The following NTM variants were observed in gnomAD, a reference collection of about 807,000 sequenced individuals.
The protein encoded by NTM is neurotrimin.
In NTM, 13 loss-of-function variants were observed where a neutral mutation model predicts 42.1. The observed-to-expected ratio is 0.31, with a 90% CI of 0.20 to 0.49. The LOEUF (loss-of-function observed/expected upper bound fraction) is 0.49. NTM is among the 20% of genes least tolerant of loss of function. NTM has a pLI of 0.99. For missense variants in NTM, 373 were observed against 452.8 expected (o/e 0.82, Z 1.60); for synonymous variants, 187 against 179.2 (o/e 1.04, Z -0.35).
chr11:132,130,144 C>G (rs2066558478), intron 2 of NTM, among the ~76,000 whole-genome samples: 1 of 152,186 alleles, frequency 6.6e-6, no homozygotes, highest in Non-Finnish European at 1.5e-5. Context: ...GGAACCTAGT[C>G]TGATATTCCC....
At chr11:132,258,218 T>C (rs1214577662) in intron 4 of NTM, among the ~76,000 whole-genome samples, 40 of 152,196 alleles carry the variant, frequency 2.6e-4, no homozygotes, top group African/African-American at 2.4e-5. Flanking sequence ...AGAAAGGACA[T>C]AGGACTGAGG....
At chr11:132,321,291 A>C (rs955803096) in intron 7 of NTM, among the ~76,000 whole-genome samples, 1 of 152,176 alleles carries the variant, frequency 6.6e-6, no homozygotes, top group African/African-American at 2.4e-5. Flanking sequence ...AAAATTTAGA[A>C]GCATGTATAA....
intron 2 of NTM, among the ~76,000 whole-genome samples, chr11:132,126,798 C>T (rs1312855690): frequency 6.6e-6 from 1 of 152,142 alleles, no homozygotes; most frequent in African/African-American, 2.4e-5. Context: ...TGGCTGCGAC[C>T]TTGCAGCCTG....
intron 1 of NTM, among the ~76,000 whole-genome samples, chr11:131,814,709 C>A (rs1156270581): frequency 6.6e-6 from 1 of 152,168 alleles, no homozygotes; most frequent in Non-Finnish European, 1.5e-5. Context: ...CCTTGCTGCG[C>A]GTCTTGCGTT....
At chr11:131,807,902 T>G (rs2092578823) in intron 1 of NTM, among the ~76,000 whole-genome samples, 1 of 152,238 alleles carries the variant, frequency 6.6e-6, no homozygotes, top group South Asian at 2.1e-4. Context: ...TTATTAATGA[T>G]ATCATGATTT....
At chr11:131,946,337 T>C (rs2060342196) in intron 2 of NTM, among the ~76,000 whole-genome samples, 1 of 152,178 alleles carries the variant, frequency 6.6e-6, no homozygotes, top group Non-Finnish European at 1.5e-5. Flanking sequence ...TCTAAAAAGA[T>C]GTCAGACACC....
chr11:132,104,082 T>C (rs1379559979), intron 2 of NTM, among the ~76,000 whole-genome samples: 1 of 152,150 alleles, frequency 6.6e-6, no homozygotes, highest in Non-Finnish European at 1.5e-5. Flanking sequence ...TGTTTTTCGT[T>C]GTTGTTGTTC....
intron 2 of NTM, among the ~76,000 whole-genome samples, chr11:131,975,722 A>C (rs1034994752): frequency 3.3e-5 from 5 of 151,978 alleles, no homozygotes; most frequent in Non-Finnish European, 5.9e-5. Flanking sequence ...TCCTGTGATG[A>C]CATAGATGGG....
At chr11:132,224,289 C>T (rs141443301) in intron 4 of NTM, among the ~76,000 whole-genome samples, 126 of 152,150 alleles carry the variant, frequency 8.3e-4, no homozygotes, top group African/African-American at 2.9e-3. Flanking sequence ...GAGCACTCTG[C>T]CTGAAGGCTG....
chr11:131,656,249 A>G (rs1433082290), intron 1 of NTM, among the ~76,000 whole-genome samples: 1 of 152,214 alleles, frequency 6.6e-6, no homozygotes, highest in African/African-American at 2.4e-5. Flanking sequence ...TCGTCTCCAT[A>G]CCACCACCAT....
intron 4 of NTM, among the ~76,000 whole-genome samples, chr11:132,279,616 A>C (rs1039598241): frequency 2.6e-5 from 4 of 152,158 alleles, no homozygotes; most frequent in Non-Finnish European, 5.9e-5. Flanking sequence ...AGGCTATTCC[A>C]CCTGCCTGGA....
At chr11:132,093,171 C>T (rs937493551) in intron 2 of NTM, among the ~76,000 whole-genome samples, 8 of 152,172 alleles carry the variant, frequency 5.3e-5, no homozygotes, top group Non-Finnish European at 1.0e-4. Context: ...TTTCTACCCT[C>T]GAATCTTCAC....
intron 2 of NTM, among the ~76,000 whole-genome samples, chr11:132,004,776 T>C (rs1183911811): frequency 1.3e-5 from 2 of 152,110 alleles, no homozygotes; most frequent in Non-Finnish European, 2.9e-5. Flanking sequence ...AGGGGATTGA[T>C]TCAGCTTTCA....
At position 131,910,457 on chromosome 11, in the gene NTM, GGCGCCCGCGCCCCGCGCCCC is replaced by G. The variant is rs1485958978; in HGVS notation, c.83-1100_83-1081del. ...GCCCGGCGCGGCGGGGGTTAAGGTGGGCGCCCGCGCCCCGCGCCCCGCGCCCTCCCGCCGGGATGAGAGCG... is the reference window on the plus strand; with the variant it reads ...GCCCGGCGCGGCGGGGGTTAAGGTGGGCGCCCTCCCGCCGGGATGAGAGCG... On this transcript the variant is annotated intron_variant, in intron 1 of 8. Transcript: ENST00000683400. Among the ~76,000 whole-genome samples, 96 of 150,108 alleles carry G rather than the reference GGCGCCCGCGCCCCGCGCCCC, an allele frequency of 6.4e-4. 1 individual carries two copies. The highest frequency in any genetic ancestry group is 3.6e-3 in the Admixed American group (54 of 15,014).
intron 1 of NTM, among the ~76,000 whole-genome samples, chr11:131,831,864 A>G (rs1049934081): frequency 3.3e-5 from 5 of 151,080 alleles, no homozygotes; most frequent in African/African-American, 1.2e-4. Context: ...TTAAATATTC[A>G]TAAAAGCATA....
chr11:131,692,317 A>G (rs755496724), intron 1 of NTM, among the ~76,000 whole-genome samples: 6 of 152,142 alleles, frequency 3.9e-5, no homozygotes. Context: ...TCTCCCATGC[A>G]GATCTCTGGG....
chr11:131,757,993 T>C (rs1405278376), intron 1 of NTM, among the ~76,000 whole-genome samples: 3 of 152,246 alleles, frequency 2.0e-5, no homozygotes, highest in Non-Finnish European at 2.9e-5. Context: ...CAGAACTCCA[T>C]TGAATAGTCT....
intron 1 of NTM, among the ~76,000 whole-genome samples, chr11:131,513,369 G>A (rs1018279273): frequency 6.6e-6 from 1 of 152,116 alleles, no homozygotes; most frequent in Admixed American, 6.5e-5. Flanking sequence ...TCCATAGGAG[G>A]CACCCAAGAG....
chr11:131,598,396 T>C (rs559423751), intron 1 of NTM, among the ~76,000 whole-genome samples: 122 of 152,358 alleles, frequency 8.0e-4, no homozygotes, highest in Non-Finnish European at 1.6e-3. Flanking sequence ...AAATCCCTTG[T>C]ACTACACGCT....
Sources: gnomAD v4.1 joint callset for allele counts (sites outside exome capture counted in the v4.1 genomes callset) on GRCh38, gnomAD v4.1.1 for gene constraint, MANE v1.5 for transcripts, NCBI Gene and HGNC (gene_info 2026-07-23, HGNC 2026-07-21) for gene names.